TBCEL: variants seen among roughly 807,000 people sequenced by gnomAD.
The protein encoded by TBCEL is tubulin-specific chaperone cofactor E-like protein.
Under a neutral mutation model 44.2 loss-of-function variants are expected in TBCEL, and 15 were observed. That is an observed-to-expected ratio of 0.34 (90% CI 0.23 to 0.52). The LOEUF (loss-of-function observed/expected upper bound fraction) is 0.52. Ranked by LOEUF, TBCEL falls within the 20% of genes least tolerant of loss-of-function variation. The pLI is 0.95. For synonymous variants in TBCEL, 171 were observed against 185.4 expected (o/e 0.92, Z 0.63); for missense variants, 319 against 506.3 (o/e 0.63, Z 3.55).
At chr11:121,078,811 G>A (rs1215519964) in intron 8 of TBCEL, among the ~76,000 whole-genome samples, 1 of 152,058 alleles carries the variant, frequency 6.6e-6, no homozygotes, top group African/African-American at 2.4e-5. Flanking sequence ...TTGTATTTCT[G>A]TTCAGTTTCT....
chr11:121,045,850 T>C (rs755608757), intron 3 of TBCEL, 27 bp downstream of exon 3: 3 of 1,532,244 alleles, frequency 2.0e-6, no homozygotes, highest in Non-Finnish European at 2.6e-6. Context: ...CTAAAACACT[T>C]ATTTAGTGGA....
intron 4 of TBCEL, among the ~76,000 whole-genome samples, chr11:121,049,424 G>A (rs1421940539): frequency 6.6e-6 from 1 of 151,736 alleles, no homozygotes; most frequent in Non-Finnish European, 1.5e-5. Context: ...TCTGGTAACT[G>A]TGTTCGTGGT....
Position 121,043,229 on chromosome 11 carries a change from G to A in TBCEL, c.-17-2445G>A, listed in dbSNP as rs754652810. Among the ~76,000 whole-genome samples, 7 of 152,078 alleles carry A rather than the reference G, an allele frequency of 4.6e-5. No homozygotes were observed. The South Asian group carries it at 1.0e-3, about 22-fold the overall frequency. ...TCTTCTCAGCACCTGAGAGGCTAGCGATTTTAATACTCGGCAACGTTTATC... is the reference window on the plus strand; with the variant it reads ...TCTTCTCAGCACCTGAGAGGCTAGCAATTTTAATACTCGGCAACGTTTATC... On this transcript the variant is annotated intron_variant, in intron 2 of 8. Transcript: ENST00000683345.
At chr11:121,054,990 A>G (rs1472602263) in intron 5 of TBCEL, 62 bp from the exon 6 acceptor site, 1 of 1,381,090 alleles carries the variant, frequency 7.2e-7, no homozygotes, top group East Asian at 2.5e-5. Context: ...ATGAATGAAA[A>G]TAGGTGTAAA....
intron 8 of TBCEL, among the ~76,000 whole-genome samples, chr11:121,066,232 C>T (rs768137876): frequency 6.6e-5 from 10 of 152,164 alleles, no homozygotes; most frequent in Non-Finnish European, 1.0e-4. Flanking sequence ...CACTTAAAGC[C>T]GTGCTTTGAC....
intron 2 of TBCEL, among the ~76,000 whole-genome samples, chr11:121,043,578 T>G (rs988988131): frequency 6.6e-6 from 1 of 152,118 alleles, no homozygotes; most frequent in Non-Finnish European, 1.5e-5. Flanking sequence ...TTCAGCCTCT[T>G]CAGGGCTACT....
chr11:121,024,187 C>T lies in TBCEL; in HGVS notation c.-230C>T, dbSNP rs1945001358. Reference sequence around the variant, plus strand: ...GGCGCCGGGCCGGGGCTGGCCGGGACCAGGCCCGAGGCTGAGCGGCGGCGA... The same window carrying T: ...GGCGCCGGGCCGGGGCTGGCCGGGATCAGGCCCGAGGCTGAGCGGCGGCGA... On this transcript the variant is annotated 5_prime_UTR_variant, in exon 1 of 9. Coordinates refer to ENST00000683345, the MANE Select transcript of TBCEL (RefSeq NM_001363644.2). 1 of 153,302 alleles carries T rather than the reference C, an allele frequency of 6.5e-6. No homozygotes were observed. Among genetic ancestry groups the T allele is most frequent in the Non-Finnish European group, 1.5e-5 (1 of 68,600 alleles). The allele number at this position is 153,302 out of a possible 1,614,324, so 9.5% of individuals were successfully genotyped here.
rs2135033505 is a variant in TBCEL at position 121,089,527 on chromosome 11, C to T, written c.*2431C>T. On this transcript the variant is annotated 3_prime_UTR_variant, in exon 9 of 9. Transcript: ENST00000683345. The stretch of plus-strand genomic sequence containing the variant: ...ACAGAACAGAAGTTAATGAAAAAGG[C>T]TATTTGAGCATGTGTACTTATAGAT... 6.6e-6 allele frequency: 1 copy of T among 152,192 alleles called. No individual in the cohort carries two copies. The highest frequency in any genetic ancestry group is 2.4e-5 in the African/African-American group (1 of 41,538). 9.4% of individuals were successfully genotyped at this position (152,192 alleles called of 1,614,324 possible).
chr11:121,051,203 A>C (rs140821656), intron 4 of TBCEL, among the ~76,000 whole-genome samples: 8 of 151,822 alleles, frequency 5.3e-5, no homozygotes, highest in African/African-American at 1.9e-4. Context: ...CTGAATATTA[A>C]TTTTCACTGT....
At chr11:121,083,241 A>G (rs1946158142) in intron 8 of TBCEL, among the ~76,000 whole-genome samples, 1 of 152,248 alleles carries the variant, frequency 6.6e-6, no homozygotes, top group Non-Finnish European at 1.5e-5. Context: ...GAACAAGAGA[A>G]ATGCAGATAG....
At chr11:121,072,320 A>G (rs1945949842) in intron 8 of TBCEL, among the ~76,000 whole-genome samples, 1 of 152,210 alleles carries the variant, frequency 6.6e-6, no homozygotes. Context: ...GCAAGGGGCC[A>G]GTTTTATCTT....
chr11:121,045,662 G>T lies in TBCEL; in HGVS notation c.-17-12G>T. The T allele has an allele frequency of 1.3e-6, 2 of 1,544,722 alleles. No homozygotes were observed. The highest frequency in any genetic ancestry group is 2.3e-5 in the East Asian group (1 of 44,218). On this transcript the variant is annotated splice_polypyrimidine_tract_variant and intron_variant, in intron 2 of 8. Transcript: ENST00000683345. ...TAATTACATAATTTGATTATTTCTT[G>T]GTTTCTTGTAGCATTTTAAGAAAGA...
chr11:121,059,005 C>G (rs770730305), intron 7 of TBCEL, among the ~76,000 whole-genome samples: 1 of 151,864 alleles, frequency 6.6e-6, no homozygotes, highest in Non-Finnish European at 1.5e-5. Flanking sequence ...CGGGAATTTC[C>G]CATGAGTATT....
At chr11:121,047,399 T>A in intron 3 of TBCEL, 129 bp from the exon 4 acceptor site, 2 of 1,135,116 alleles carry the variant, frequency 1.8e-6, no homozygotes, top group East Asian at 2.4e-5. Flanking sequence ...CATTATATCC[T>A]GTATTTTCTA....
At chr11:121,037,963 A>ATT (rs771076664) in intron 2 of TBCEL, among the ~76,000 whole-genome samples, 2 of 144,584 alleles carry the variant, frequency 1.4e-5, no homozygotes, top group Non-Finnish European at 1.5e-5. Flanking sequence ...TGCAGAATGA[A>ATT]TTTTTTTTTT....
chr11:121,048,445 C>T (rs564150913), intron 4 of TBCEL, among the ~76,000 whole-genome samples: 1 of 151,836 alleles, frequency 6.6e-6, no homozygotes, highest in Non-Finnish European at 1.5e-5. Context: ...CTGCTTATAA[C>T]ATTACCTGAT....
chr11:121,063,040 A>C (rs1031981584), intron 8 of TBCEL, among the ~76,000 whole-genome samples: 4 of 152,124 alleles, frequency 2.6e-5, no homozygotes, highest in Non-Finnish European at 5.9e-5. Context: ...AAGTGAACAA[A>C]GTTCCTACCT....
At chr11:121,074,183 T>C (rs746056187) in intron 8 of TBCEL, among the ~76,000 whole-genome samples, 10 of 152,000 alleles carry the variant, frequency 6.6e-5, no homozygotes, top group Non-Finnish European at 1.5e-4. Flanking sequence ...TTAATTTTCA[T>C]TTGGATGGGC....
At chr11:121,066,139 G>A (rs1467159682) in intron 8 of TBCEL, among the ~76,000 whole-genome samples, 1 of 152,202 alleles carries the variant, frequency 6.6e-6, no homozygotes, top group Non-Finnish European at 1.5e-5. Context: ...CAAGGTTTCT[G>A]TATCTCGCTA....
Sources: gnomAD v4.1 joint callset for allele counts (sites outside exome capture counted in the v4.1 genomes callset) on GRCh38, gnomAD v4.1.1 for gene constraint, MANE v1.5 for transcripts, NCBI Gene and HGNC (gene_info 2026-07-23, HGNC 2026-07-21) for gene names.